NCKAP5: variants seen among roughly 807,000 people sequenced by gnomAD.
NCKAP5 encodes nck-associated protein 5.
NCKAP5 carries 92 observed loss-of-function variants against 167.0 expected under a neutral mutation model. That is an observed-to-expected ratio of 0.55 (90% CI 0.47 to 0.66). The LOEUF is 0.66. NCKAP5 is among the 30% of genes least tolerant of loss of function. The probability of loss-of-function intolerance (pLI) is 0.00; values close to 1 mark genes in which losing one functional copy is unlikely to be tolerated. For synonymous variants in NCKAP5, 891 were observed against 877.4 expected, an observed-to-expected ratio of 1.02 and a Z score of -0.27; for missense variants, 2,378 against 2,315.0, an observed-to-expected ratio of 1.03 and a Z score of -0.56.
At chr2:132,946,326 T>C (rs1237649508) in intron 8 of NCKAP5, among the ~76,000 whole-genome samples, 2 of 152,186 alleles carry the variant, frequency 1.3e-5, no homozygotes, top group African/African-American at 4.8e-5. Flanking sequence ...AAACAGGCAA[T>C]TGATACTGTA....
chr2:133,666,176 G>T, the NCKAP5 span, among the ~76,000 whole-genome samples: 1 of 143,490 alleles, frequency 7.0e-6, no homozygotes, highest in African/African-American at 2.6e-5. Context: ...CAATCAACTA[G>T]ATCTACATCC....
chr2:133,371,852 C>T (rs903047899), intron 3 of NCKAP5, among the ~76,000 whole-genome samples: 1 of 152,108 alleles, frequency 6.6e-6, no homozygotes, highest in African/African-American at 2.4e-5. Flanking sequence ...TTACTTGTCG[C>T]CATCCCAACC....
At chr2:133,368,774 G>A (rs1174677948) in intron 3 of NCKAP5, among the ~76,000 whole-genome samples, 1 of 152,196 alleles carries the variant, frequency 6.6e-6, no homozygotes, top group Non-Finnish European at 1.5e-5. Context: ...TTAAGTAACT[G>A]CTGCAAATCC....
At chr2:133,139,268 A>G (rs2082909646) in intron 5 of NCKAP5, among the ~76,000 whole-genome samples, 1 of 152,208 alleles carries the variant, frequency 6.6e-6, no homozygotes, top group Admixed American at 6.5e-5. Flanking sequence ...AGCCACAACC[A>G]TATCAGGAAA....
chr2:133,575,684 A>T, the NCKAP5 span, among the ~76,000 whole-genome samples: 1 of 152,226 alleles, frequency 6.6e-6, no homozygotes, highest in Non-Finnish European at 1.5e-5. Context: ...AACAGCTCAG[A>T]GGGTGATGTC....
intron 3 of NCKAP5, among the ~76,000 whole-genome samples, chr2:133,427,891 T>A (rs779721686): frequency 2.0e-5 from 3 of 152,112 alleles, no homozygotes; most frequent in Non-Finnish European, 4.4e-5. Context: ...GAAATTCTGA[T>A]GCATCTAGGA....
At chr2:133,042,620 C>A (rs1367087134) in intron 6 of NCKAP5, among the ~76,000 whole-genome samples, 3 of 152,136 alleles carry the variant, frequency 2.0e-5, no homozygotes, top group Non-Finnish European at 4.4e-5. Flanking sequence ...ATAGAAATAG[C>A]TACTCTATAA....
chr2:133,389,134 G>A lies in NCKAP5; in HGVS notation c.70-86024C>T, dbSNP rs138652101. 2.7e-3 allele frequency among the ~76,000 whole-genome samples: 405 copies of A among 152,304 alleles called. 3 individuals are homozygous for A. The highest frequency in any genetic ancestry group is 9.5e-3 in the African/African-American group (396 of 41,556). Reference sequence around the variant, plus strand: ...ACCCGTCTTCTGCGTCACTCATGCTGGGAGCTGTACACTGGAGCTGCTCCT... The same window carrying A: ...ACCCGTCTTCTGCGTCACTCATGCTAGGAGCTGTACACTGGAGCTGCTCCT... On this transcript the variant is annotated intron_variant, in intron 3 of 19. Coordinates refer to ENST00000409261, the MANE Select transcript of NCKAP5 (RefSeq NM_207363.3).
intron 11 of NCKAP5, among the ~76,000 whole-genome samples, chr2:132,843,445 G>A (rs892604635): frequency 9.2e-5 from 14 of 151,762 alleles, no homozygotes; most frequent in African/African-American, 2.9e-4. Flanking sequence ...ATTACCCAAT[G>A]TCCCTCTTCA....
At chr2:132,685,235 C>T (rs142947916) in intron 19 of NCKAP5, among the ~76,000 whole-genome samples, 81 of 152,228 alleles carry the variant, frequency 5.3e-4, no homozygotes, top group Non-Finnish European at 6.6e-4. Context: ...GCCTATCAAA[C>T]GCTCAAGATA....
rs114538624 is a variant in NCKAP5, at chr2:133,133,051, C to T, written c.208-2940G>A. Among the ~76,000 whole-genome samples, 1,040 of 152,034 alleles carry T rather than the reference C, an allele frequency of 6.8e-3. 10 individuals are homozygous for T. The highest frequency in any genetic ancestry group is 0.012 in the Non-Finnish European group (792 of 67,974). On this transcript the variant is annotated intron_variant, in intron 5 of 19. Coordinates refer to ENST00000409261, the MANE Select transcript of NCKAP5 (RefSeq NM_207363.3). ...AGATTGGCTATTTTTTTTCTGTATT[C>T]GCTATATTCTGGATATAAATTGATC...
At chr2:133,030,662 T>C (rs1397944105) in intron 6 of NCKAP5, among the ~76,000 whole-genome samples, 4 of 152,198 alleles carry the variant, frequency 2.6e-5, no homozygotes, top group Non-Finnish European at 5.9e-5. Flanking sequence ...GCAAATATTA[T>C]TTTTTATCAT....
intron 3 of NCKAP5, among the ~76,000 whole-genome samples, chr2:133,426,425 C>T (rs1310909237): frequency 6.9e-6 from 1 of 144,162 alleles, no homozygotes. Flanking sequence ...CACATTCAGC[C>T]TTCTTAAAGT....
intron 11 of NCKAP5, among the ~76,000 whole-genome samples, chr2:132,815,810 C>T (rs1039418106): frequency 1.3e-5 from 2 of 152,200 alleles, no homozygotes; most frequent in South Asian, 2.1e-4. Flanking sequence ...ATCAAAATAG[C>T]TCAATTGATT....
At chr2:133,205,468 C>G (rs1052825267) in intron 5 of NCKAP5, among the ~76,000 whole-genome samples, 1 of 152,110 alleles carries the variant, frequency 6.6e-6, no homozygotes, top group African/African-American at 2.4e-5. Context: ...GTTTTTCATT[C>G]TGTTCTCTAG....
intron 3 of NCKAP5, among the ~76,000 whole-genome samples, chr2:133,386,262 G>A (rs1208199793): frequency 6.6e-6 from 1 of 152,094 alleles, no homozygotes; most frequent in African/African-American, 2.4e-5. Flanking sequence ...CATTCTGGTT[G>A]GTTTCAAAGA....
At chr2:133,292,713 G>A (rs1679686241) in intron 4 of NCKAP5, among the ~76,000 whole-genome samples, 1 of 152,176 alleles carries the variant, frequency 6.6e-6, no homozygotes, top group Non-Finnish European at 1.5e-5. Flanking sequence ...TAAACTAGAA[G>A]TGGAGTTTTT....
intron 14 of NCKAP5, 64 bp from the exon 15 acceptor site, chr2:132,781,293 C>T (rs2105018228): frequency 6.8e-7 from 1 of 1,478,290 alleles, no homozygotes; most frequent in African/African-American, 1.4e-5. Flanking sequence ...CTCTCCTTTT[C>T]CCAATCTTTT....
chr2:132,860,799 A>G (rs574612478), intron 10 of NCKAP5, among the ~76,000 whole-genome samples, 188 bp from the exon 11 acceptor site: 2 of 152,350 alleles, frequency 1.3e-5, no homozygotes, highest in South Asian at 4.1e-4. Context: ...ATGTGCAAAG[A>G]AGACCAATTT....
Sources: allele counts gnomAD v4.1 joint callset (sites outside exome capture counted in the v4.1 genomes callset), GRCh38; gene constraint gnomAD v4.1.1; transcripts MANE v1.5; gene names NCBI Gene and HGNC (gene_info 2026-07-23, HGNC 2026-07-21).